SYBU: variants seen among roughly 807,000 people sequenced by gnomAD.
SYBU encodes the protein GOLSYN A protein.
SYBU carries 21 observed loss-of-function variants against 35.9 expected under a neutral mutation model. The observed-to-expected ratio is 0.58, with a 90% CI of 0.41 to 0.84. The LOEUF (loss-of-function observed/expected upper bound fraction) is 0.84, where lower values mean the gene tolerates loss of function less well. SYBU is among the 40% of genes least tolerant of loss of function. The pLI, the probability that SYBU is intolerant of heterozygous loss-of-function variation, is 0.00. For missense variants in SYBU, 768 were observed against 848.2 expected (o/e 0.91, Z 1.17); for synonymous variants, 319 against 324.3 (o/e 0.98, Z 0.18).
intron 2 of SYBU, among the ~76,000 whole-genome samples, chr8:109,639,187 T>A (rs181954698): frequency 9.5e-4 from 145 of 152,332 alleles, no homozygotes; most frequent in Non-Finnish European, 1.7e-3. Flanking sequence ...AACATTGAGT[T>A]GACATTTGTT....
upstream of SYBU, chr8:109,645,635 T>TG (rs1815607599): frequency 1.2e-5 from 3 of 252,608 alleles, no homozygotes; most frequent in South Asian, 8.8e-5. Context: ...CGTTTTTTGT[T>TG]TTTTTTTTTT....
At chr8:109,645,935 C>T (rs1358079431), upstream of SYBU, 1 of 152,816 alleles carries the variant, frequency 6.5e-6, no homozygotes, top group Non-Finnish European at 1.5e-5. Context: ...CTCTATCCAG[C>T]TGATTGAACA....
intron 2 of SYBU, among the ~76,000 whole-genome samples, chr8:109,638,446 A>T (rs1054749395): frequency 2.0e-5 from 3 of 152,204 alleles, no homozygotes; most frequent in Non-Finnish European, 2.9e-5. Flanking sequence ...GGGCTTTATC[A>T]CTTCTTGTGT....
At chr8:109,583,534 C>A (rs968718645) in intron 4 of SYBU, among the ~76,000 whole-genome samples, 1 of 152,208 alleles carries the variant, frequency 6.6e-6, no homozygotes, top group African/African-American at 2.4e-5. Context: ...CCAGCTCCAC[C>A]TGTTCCTCAC....
chr8:109,607,833 C>CACAT, intron 3 of SYBU: 2 of 780,756 alleles, frequency 2.6e-6, no homozygotes, highest in South Asian at 3.2e-5. Flanking sequence ...CACACACACA[C>CACAT]ACACACACAC....
chr8:109,614,034 A>G (rs906211879), intron 3 of SYBU, among the ~76,000 whole-genome samples: 1 of 152,180 alleles, frequency 6.6e-6, no homozygotes, highest in East Asian at 1.9e-4. Context: ...AGATTTTAAC[A>G]TTTCAGTTTC....
chr8:109,583,933 C>T (rs150595122), intron 4 of SYBU, among the ~76,000 whole-genome samples: 2,373 of 152,038 alleles, frequency 0.016, 38 homozygotes, highest in Middle Eastern at 0.044. Flanking sequence ...CTCAACTTTA[C>T]GAGTAGCTGG....
At chr8:109,613,900 C>T (rs985966381) in intron 3 of SYBU, among the ~76,000 whole-genome samples, 2 of 152,164 alleles carry the variant, frequency 1.3e-5, no homozygotes, top group Non-Finnish European at 2.9e-5. Context: ...CTGCTATTGT[C>T]GTAAGGTTAT....
At chr8:109,587,360 A>G (rs1229541544) in intron 3 of SYBU, among the ~76,000 whole-genome samples, 3 of 152,254 alleles carry the variant, frequency 2.0e-5, no homozygotes, top group Non-Finnish European at 2.9e-5. Flanking sequence ...TTTGTAAAAT[A>G]GACATTAATC....
intron 3 of SYBU, chr8:109,607,988 C>G (rs1304233254): frequency 2.0e-6 from 3 of 1,532,734 alleles, no homozygotes; most frequent in Non-Finnish European, 2.6e-6. Context: ...TGGGGTATGT[C>G]TTTTGCAGAA....
intron 3 of SYBU, 129 bp from the exon 4 acceptor site, chr8:109,586,291 C>T: frequency 1.6e-6 from 1 of 644,396 alleles, no homozygotes; most frequent in Non-Finnish European, 2.7e-6. Flanking sequence ...GATTCCAGGG[C>T]TTCCAGGCTC....
At chr8:109,621,095 TCA>T (rs1812354068) in intron 2 of SYBU, among the ~76,000 whole-genome samples, 1 of 152,218 alleles carries the variant, frequency 6.6e-6, no homozygotes, top group Non-Finnish European at 1.5e-5. Context: ...AATCTGTGCT[TCA>T]GAGTGTCTAA....
intron 1 of SYBU, among the ~76,000 whole-genome samples, chr8:109,688,991 A>G (rs1410421891): frequency 1.3e-5 from 2 of 152,172 alleles, no homozygotes; most frequent in Non-Finnish European, 2.9e-5. Context: ...ATAAAGTTAT[A>G]TGCAGGTGTT....
At chr8:109,606,345 T>C (rs1422181368) in intron 3 of SYBU, among the ~76,000 whole-genome samples, 1 of 152,206 alleles carries the variant, frequency 6.6e-6, no homozygotes, top group Non-Finnish European at 1.5e-5. Context: ...CCATATGCCA[T>C]TGATTATTTC....
In SYBU at chr8:109,579,815, A is replaced by T; in HGVS notation, c.718T>A (p.Cys240Ser). 6.2e-7 allele frequency: 1 copy of T among 1,614,102 alleles called. No individual in the cohort carries two copies. The part of the protein sequence containing the change: ...SNSGSYKGSD[C>S]SPIMRRSGRY... Reference sequence around the variant, plus strand: ...AGGACTCACCTCATGATGGGGCTACAGTCGCTTCCTTTGTAGGAGCCTGAG... The same window carrying T: ...AGGACTCACCTCATGATGGGGCTACTGTCGCTTCCTTTGTAGGAGCCTGAG... The change falls in exon 5 of 7, where the codon TGT becomes AGT. Residue 240 changes from cysteine to serine, a missense_variant. By Grantham distance (112) the Cys-to-Ser change is moderately radical (BLOSUM62 -1). Coordinates refer to ENST00000276646, the MANE Select transcript of SYBU (RefSeq NM_001099754.2).
chr8:109,663,297 A>ATAGG (rs879383838), intron 1 of SYBU, among the ~76,000 whole-genome samples: 8 of 148,482 alleles, frequency 5.4e-5, no homozygotes, highest in African/African-American at 1.7e-4. Context: ...AGATAGATAG[A>ATAGG]TAGGTAGATA....
At position 109,584,816 on chromosome 8, in the gene SYBU, T is replaced by G. The variant is rs1823430353; in HGVS notation, c.530+1244A>C. 6.6e-6 allele frequency among the ~76,000 whole-genome samples: 1 copy of G among 152,144 alleles called. No homozygotes were observed. Among genetic ancestry groups the G allele is most frequent in the African/African-American group, 2.4e-5 (1 of 41,434 alleles). On this transcript the variant is annotated intron_variant, in intron 4 of 6. Coordinates refer to ENST00000276646, the MANE Select transcript of SYBU (RefSeq NM_001099754.2). The surrounding 1 kb of genome is among the most constrained non-coding windows in gnomAD (Gnocchi z 4.0). ...CCTGGAAAGGCAGGCTTTTGGAAAC[T>G]AAATAGATTTTCTCCAGGAAGAGAC...
chr8:109,660,152 A>C (rs1178250409), intron 1 of SYBU, among the ~76,000 whole-genome samples: 1 of 152,174 alleles, frequency 6.6e-6, no homozygotes, highest in Non-Finnish European at 1.5e-5. Context: ...AACTAGAACC[A>C]TAGTTTTTGT....
At chr8:109,662,898 T>C (rs560839805) in intron 1 of SYBU, among the ~76,000 whole-genome samples, 15 of 152,178 alleles carry the variant, frequency 9.9e-5, no homozygotes, top group African/African-American at 2.7e-4. Context: ...AGAAAGTATA[T>C]GTCTCACTTT....
Sources: allele counts gnomAD v4.1 joint callset (sites outside exome capture counted in the v4.1 genomes callset), GRCh38; gene constraint gnomAD v4.1.1; non-coding constraint Gnocchi (gnomAD v3.1); transcripts MANE v1.5; gene names NCBI Gene and HGNC (gene_info 2026-07-23, HGNC 2026-07-21).